NANS: variants seen among roughly 807,000 people sequenced by gnomAD.
NANS encodes N-acetylneuraminate synthase, also known as N-acetylneuraminate-9-phosphate synthase.
NANS carries 29 observed loss-of-function variants against 33.3 expected under a neutral mutation model. The ratio of observed to expected loss-of-function variants is 0.87; its 90% CI spans 0.65 to 1.19. The LOEUF (loss-of-function observed/expected upper bound fraction) is 1.19. NANS is among the 50% of genes most tolerant of loss of function. The pLI, the probability that NANS is intolerant of heterozygous loss-of-function variation, is 0.00. For synonymous variants in NANS, 163 were observed against 177.2 expected (o/e 0.92, Z 0.64); for missense variants, 394 against 461.1 (o/e 0.85, Z 1.33).
intron 5 of NANS, chr9:98,081,674 A>T (rs1457589090): frequency 6.6e-6 from 1 of 152,354 alleles, no homozygotes; most frequent in Non-Finnish European, 1.5e-5. Flanking sequence ...CGTGGCCTGG[A>T]CCTTCTTGCC....
At chr9:98,070,888 C>T (rs757616979) in intron 2 of NANS, among the ~76,000 whole-genome samples, 5 of 151,548 alleles carry the variant, frequency 3.3e-5, no homozygotes, top group Admixed American at 2.0e-4. Flanking sequence ...CATAGCTCAC[C>T]GCAGCCTTGA....
intron 1 of NANS, among the ~76,000 whole-genome samples, chr9:98,059,952 G>T (rs1321953158): frequency 1.3e-5 from 2 of 152,180 alleles, no homozygotes; most frequent in Non-Finnish European, 2.9e-5. Context: ...GTCCCTGGAT[G>T]TTCCTGTCCC....
chr9:98,073,765 C>T lies in NANS; in HGVS notation c.349-3153C>T, dbSNP rs552759485. Among the ~76,000 whole-genome samples, 3 of 151,862 alleles carry T rather than the reference C, an allele frequency of 2.0e-5. No individual in the cohort carries two copies. In the South Asian group the frequency reaches 6.2e-4, roughly 32 times the overall value. On this transcript the variant is annotated intron_variant, in intron 2 of 5. Transcript: ENST00000210444. ...GGTTCTGTGGGCACGTGTTGTCCACCCTCATTCATTAATTGATTTAGAATC... is the reference window on the plus strand; with the variant it reads ...GGTTCTGTGGGCACGTGTTGTCCACTCTCATTCATTAATTGATTTAGAATC...
rs773464513 is a variant in NANS, at chr9:98,076,881, C to G, written c.349-37C>G. ...CTGTCATAACAACAGTGTTTTTGGA[C>G]AATGGTGAAAAGGAGCTCCCTCTTT... On this transcript the variant is annotated intron_variant, in intron 2 of 5. Coordinates refer to ENST00000210444, the MANE Select transcript of NANS (RefSeq NM_018946.4). The G allele has an allele frequency of 8.5e-6, 13 of 1,528,070 alleles. No homozygotes were observed. The South Asian group carries it at 1.5e-4, about 18-fold the overall frequency. The allele number at this position is 1,528,070 out of a possible 1,614,324, so 94.7% of individuals were successfully genotyped here.
chr9:98,081,064 G>GATGGCCTGCAATGAGAAGGT lies in NANS; in HGVS notation c.853_870+2dup. On this transcript the variant is annotated frameshift_variant, in exon 5 of 6. Coordinates refer to ENST00000210444, the MANE Select transcript of NANS (RefSeq NM_018946.4). LOFTEE classifies it high-confidence loss of function. ...CAACCAAGCAGCTGCTGCCCTGTGA[G>GATGGCCTGCAATGAGAAGGT]ATGGCCTGCAATGAGAAGGTGTGTC... The GATGGCCTGCAATGAGAAGGT allele has an allele frequency of 8.7e-6, 14 of 1,614,158 alleles. No homozygotes were observed. The highest frequency in any genetic ancestry group is 1.2e-5 in the Non-Finnish European group (14 of 1,180,030).
intron 2 of NANS, among the ~76,000 whole-genome samples, chr9:98,068,184 GAGTGC>G (rs1342412992): frequency 1.3e-5 from 2 of 151,940 alleles, no homozygotes; most frequent in Non-Finnish European, 2.9e-5. Context: ...ACCCAGACTG[GAGTGC>G]AGTGGTATAA....
chr9:98,076,460 C>T (rs1213379202), intron 2 of NANS: 5 of 163,810 alleles, frequency 3.1e-5, no homozygotes, highest in Admixed American at 1.3e-4. Context: ...CTGCAACCTC[C>T]GCCTCCCAGG....
chr9:98,068,601 GC>G, intron 2 of NANS, among the ~76,000 whole-genome samples: 1 of 151,142 alleles, frequency 6.6e-6, no homozygotes, highest in East Asian at 1.9e-4. Flanking sequence ...GTCGCTTGAG[GC>G]CAGGAGTTCA....
intron 2 of NANS, chr9:98,061,254 ATCAC>A: frequency 4.5e-6 from 2 of 445,832 alleles, no homozygotes; most frequent in South Asian, 5.0e-5. Context: ...AGGGGGATGG[ATCAC>A]CTGAGGTCAG....
intron 2 of NANS, 116 bp from the exon 3 acceptor site, chr9:98,076,802 C>T (rs141471464): frequency 0.014 from 10,128 of 729,746 alleles, 88 homozygotes; most frequent in Admixed American, 0.019. Flanking sequence ...AGTTGCTGAG[C>T]GTCCCTCTAC....
chr9:98,057,323 C>T (rs927572434), intron 1 of NANS, among the ~76,000 whole-genome samples: 1 of 152,152 alleles, frequency 6.6e-6, no homozygotes, highest in Non-Finnish European at 1.5e-5. Flanking sequence ...CCTTCCAGCC[C>T]GTCATAATTC....
At chr9:98,064,181 T>C (rs1025187179) in intron 2 of NANS, among the ~76,000 whole-genome samples, 1 of 152,200 alleles carries the variant, frequency 6.6e-6, no homozygotes. Context: ...GTAGACCAAA[T>C]TCATTCCTTA....
chr9:98,075,584 G>A (rs769748060), intron 2 of NANS: 1 of 152,176 alleles, frequency 6.6e-6, no homozygotes, highest in Non-Finnish European at 1.5e-5. Flanking sequence ...TTCCCTGGGA[G>A]AGGGAAAGAT....
In NANS at chr9:98,060,767, T is replaced by TA; in HGVS notation, c.133-13dup. On this transcript the variant is annotated splice_polypyrimidine_tract_variant and intron_variant, in intron 1 of 5. Transcript: ENST00000210444. ...CTACGACAGTCACTGAAAGATGTCC[T>TA]AATGTGTGTTGTAGGAGTGTGGGGC... The TA allele has an allele frequency of 6.2e-7, 1 of 1,613,032 alleles. No homozygotes were observed. Among genetic ancestry groups the TA allele is most frequent in the Non-Finnish European group, 8.5e-7 (1 of 1,178,992 alleles).
At chr9:98,072,435 G>C (rs866257044) in intron 2 of NANS, among the ~76,000 whole-genome samples, 1 of 149,736 alleles carries the variant, frequency 6.7e-6, no homozygotes, top group Non-Finnish European at 1.5e-5. Flanking sequence ...TTTTTGAGAC[G>C]GAGTCTCGCT....
At chr9:98,062,777 G>GTTT (rs765558300) in intron 2 of NANS, among the ~76,000 whole-genome samples, 25 of 109,314 alleles carry the variant, frequency 2.3e-4, no homozygotes, top group Admixed American at 3.1e-4. Context: ...AGTTATTTCA[G>GTTT]TTTTTTTTTT....
rs747631949 is a variant in NANS, at chr9:98,058,998, G to A, written c.133-1784G>A. Reference sequence around the variant, plus strand: ...TCTAAGAGCAGGAGTAGTGATCTCAGCACTGACATTTCTGGACCCAAGAAG... The same window carrying A: ...TCTAAGAGCAGGAGTAGTGATCTCAACACTGACATTTCTGGACCCAAGAAG... On this transcript the variant is annotated intron_variant, in intron 1 of 5. Transcript: ENST00000210444. Among the ~76,000 whole-genome samples the A allele has an allele frequency of 1.5e-4, 23 of 151,964 alleles. 1 individual carries two copies.
At chr9:98,073,575 G>A (rs1013244552) in intron 2 of NANS, among the ~76,000 whole-genome samples, 2 of 150,588 alleles carry the variant, frequency 1.3e-5, no homozygotes, top group East Asian at 1.9e-4. Flanking sequence ...GAGCCACCGC[G>A]CCTGGCCTGG....
At chr9:98,073,594 T>TTC (rs1829451781) in intron 2 of NANS, among the ~76,000 whole-genome samples, 1 of 150,430 alleles carries the variant, frequency 6.6e-6, no homozygotes, top group African/African-American at 2.4e-5. Flanking sequence ...GGGCTTCTTT[T>TTC]TTTTTTTTTC....
Sources: gnomAD v4.1 joint callset for allele counts (sites outside exome capture counted in the v4.1 genomes callset) on GRCh38, gnomAD v4.1.1 for gene constraint, MANE v1.5 for transcripts, NCBI Gene and HGNC (gene_info 2026-07-23, HGNC 2026-07-21) for gene names.